The following RBMS1 variants were observed in gnomAD, a reference collection of about 807,000 sequenced individuals.
The protein encoded by RBMS1 is RNA-binding motif, single-stranded-interacting protein 1.
Under a neutral mutation model 62.3 loss-of-function variants are expected in RBMS1, and 17 were observed. The ratio of observed to expected loss-of-function variants is 0.27; its 90% CI spans 0.19 to 0.41. The LOEUF (loss-of-function observed/expected upper bound fraction) is 0.41. Among genes scored for constraint, RBMS1 ranks in the 10% least tolerant of loss-of-function variants. The pLI, the probability that RBMS1 is intolerant of heterozygous loss-of-function variation, is 1.00. For synonymous variants in RBMS1, 172 were observed against 170.0 expected (o/e 1.01, Z -0.09); for missense variants, 334 against 504.5 (o/e 0.66, Z 3.24).
chr2:160,284,142 T>C (rs530823783), intron 9 of RBMS1: 2 of 153,776 alleles, frequency 1.3e-5, no homozygotes, highest in East Asian at 3.8e-4. Context: ...CACTACTGGG[T>C]TCATGGCGGA....
At chr2:160,352,121 T>C (rs1259488851) in intron 2 of RBMS1, among the ~76,000 whole-genome samples, 1 of 152,094 alleles carries the variant, frequency 6.6e-6, no homozygotes, top group African/African-American at 2.4e-5. Flanking sequence ...AAATACAACA[T>C]TACGAAATTG....
rs1312305633 is a variant in RBMS1, at chr2:160,377,030, AG to A, written c.76-9640del. On this transcript the variant is annotated intron_variant, in intron 1 of 13. Transcript: ENST00000348849. Reference sequence around the variant, plus strand: ...CAGTCATGTTTGTGTGTGTGAATAAAGATAGAGGGGAAGAGATGGCTGTCTC... The same window carrying A: ...CAGTCATGTTTGTGTGTGTGAATAAAATAGAGGGGAAGAGATGGCTGTCTC... 2.0e-5 allele frequency among the ~76,000 whole-genome samples: 3 copies of A among 151,906 alleles called. No individual in the cohort carries two copies. In the East Asian group the frequency reaches 5.8e-4, roughly 29 times the overall value.
chr2:160,362,889 T>C (rs1693207230), intron 2 of RBMS1, among the ~76,000 whole-genome samples: 1 of 152,158 alleles, frequency 6.6e-6, no homozygotes. Flanking sequence ...ATGTTAGCAT[T>C]AAGCTACTTC....
intron 1 of RBMS1, among the ~76,000 whole-genome samples, chr2:160,412,215 C>G (rs571884118): frequency 2.0e-5 from 3 of 152,286 alleles, no homozygotes; most frequent in South Asian, 4.1e-4. Context: ...GGTAATAATG[C>G]CTTCTGCCAC....
At chr2:160,492,284 G>A (rs551055161) in intron 1 of RBMS1, among the ~76,000 whole-genome samples, 1 of 152,264 alleles carries the variant, frequency 6.6e-6, no homozygotes, top group African/African-American at 2.4e-5. Context: ...TGCTTCCAAA[G>A]CAGTGAAATT....
At chr2:160,367,149 A>G (rs1693442914) in intron 2 of RBMS1, 67 bp downstream of exon 2, 5 of 1,486,360 alleles carry the variant, frequency 3.4e-6, no homozygotes, top group South Asian at 1.2e-5. Flanking sequence ...AATGCAGTAT[A>G]TATCACTCTA....
At chr2:160,484,890 C>A (rs947562181) in intron 1 of RBMS1, among the ~76,000 whole-genome samples, 2 of 146,320 alleles carry the variant, frequency 1.4e-5, no homozygotes, top group Admixed American at 6.8e-5. Flanking sequence ...AAAAAATTTA[C>A]GAAGCATCAA....
intron 1 of RBMS1, among the ~76,000 whole-genome samples, chr2:160,372,235 G>A (rs961650535): frequency 1.3e-5 from 2 of 149,942 alleles, no homozygotes; most frequent in African/African-American, 2.5e-5. Flanking sequence ...ACGTTTTGAA[G>A]GGAAAGGAAA....
At position 160,350,269 on chromosome 2, in the gene RBMS1, A is replaced by C. The variant is rs569136486; in HGVS notation, c.251+16947T>G. Among the ~76,000 whole-genome samples the C allele has an allele frequency of 2.2e-4, 33 of 152,190 alleles. 1 individual carries two copies. In the South Asian group the frequency reaches 6.6e-3, roughly 31 times the overall value. On this transcript the variant is annotated intron_variant, in intron 2 of 13. Transcript: ENST00000348849. Reference sequence around the variant, plus strand: ...ACAAGTGGAGAATGGAAGACTGCCTAATCTGCTCCCATCCAAGATCATTTA... The same window carrying C: ...ACAAGTGGAGAATGGAAGACTGCCTCATCTGCTCCCATCCAAGATCATTTA...
chr2:160,395,104 G>C (rs1443049616), intron 1 of RBMS1, among the ~76,000 whole-genome samples: 2 of 152,174 alleles, frequency 1.3e-5, no homozygotes, highest in Admixed American at 6.5e-5. Context: ...AACAAATCAT[G>C]AAGTCAGACA....
At chr2:160,455,659 T>C (rs990065222) in intron 1 of RBMS1, among the ~76,000 whole-genome samples, 3 of 150,094 alleles carry the variant, frequency 2.0e-5, no homozygotes, top group African/African-American at 4.9e-5. Flanking sequence ...TCACATACAA[T>C]GTAATATAAA....
At position 160,382,170 on chromosome 2, in the gene RBMS1, T is replaced by G. The variant is rs1442967553; in HGVS notation, c.76-14779A>C. On this transcript the variant is annotated intron_variant, in intron 1 of 13. Coordinates refer to ENST00000348849, the MANE Select transcript of RBMS1 (RefSeq NM_016836.4). ...GCTGCAGTGATTAAAATGTTATATGTTGAACACCTCCAGCGTATAAGGAGG... is the reference window on the plus strand; with the variant it reads ...GCTGCAGTGATTAAAATGTTATATGGTGAACACCTCCAGCGTATAAGGAGG... Among the ~76,000 whole-genome samples, 4 of 152,168 alleles carry G rather than the reference T, an allele frequency of 2.6e-5. No homozygotes were observed. In the East Asian group the frequency reaches 7.7e-4, roughly 29 times the overall value.
chr2:160,379,875 C>G (rs566501087), intron 1 of RBMS1, among the ~76,000 whole-genome samples: 18 of 152,306 alleles, frequency 1.2e-4, no homozygotes, highest in African/African-American at 4.3e-4. Context: ...ACATAAAGTT[C>G]TGGCCTCTAG....
chr2:160,318,929 T>C (rs1440724911), intron 2 of RBMS1, among the ~76,000 whole-genome samples: 7 of 152,204 alleles, frequency 4.6e-5, no homozygotes, highest in Non-Finnish European at 1.0e-4. Flanking sequence ...TGAAGAAGAA[T>C]ATAAGAATTA....
At chr2:160,356,569 T>G (rs1002648500) in intron 2 of RBMS1, among the ~76,000 whole-genome samples, 1 of 152,100 alleles carries the variant, frequency 6.6e-6, no homozygotes, top group Admixed American at 6.6e-5. Flanking sequence ...TCTTAAGTTC[T>G]GGCTCCACCA....
chr2:160,477,345 TCAA>T (rs912622594), intron 1 of RBMS1, among the ~76,000 whole-genome samples: 2 of 152,270 alleles, frequency 1.3e-5, no homozygotes, highest in African/African-American at 2.4e-5. Flanking sequence ...AGACTCTGTT[TCAA>T]CAACAACAAC....
intron 1 of RBMS1, among the ~76,000 whole-genome samples, chr2:160,443,224 A>C (rs1278199283): frequency 3.4e-5 from 4 of 118,484 alleles, no homozygotes; most frequent in Admixed American, 7.9e-5. Flanking sequence ...AAAAAAAAAC[A>C]AAAAAAAAAA....
chr2:160,286,647 CA>C (rs1483160180), intron 7 of RBMS1, among the ~76,000 whole-genome samples: 1 of 152,050 alleles, frequency 6.6e-6, no homozygotes, highest in Non-Finnish European at 1.5e-5. Context: ...TGAAAAAAAC[CA>C]AAAACAAACC....
chr2:160,472,371 T>G (rs1335091786), intron 1 of RBMS1, among the ~76,000 whole-genome samples: 1 of 152,150 alleles, frequency 6.6e-6, no homozygotes, highest in African/African-American at 2.4e-5. Context: ...TCTATTTTCC[T>G]CAAAAAAAAT....
Sources: allele counts gnomAD v4.1 joint callset (sites outside exome capture counted in the v4.1 genomes callset), GRCh38; gene constraint gnomAD v4.1.1; transcripts MANE v1.5; gene names NCBI Gene and HGNC (gene_info 2026-07-23, HGNC 2026-07-21).